The following MIEF1 variants were observed in gnomAD, a reference collection of about 807,000 sequenced individuals.
The protein encoded by MIEF1 is mitochondrial dynamics protein MIEF1.
In MIEF1, 14 loss-of-function variants were observed where a neutral mutation model predicts 35.1. The observed-to-expected ratio is 0.40, with a 90% CI of 0.26 to 0.62. The LOEUF (loss-of-function observed/expected upper bound fraction) is 0.62. MIEF1 is among the 20% of genes least tolerant of loss of function. MIEF1 has a pLI of 0.43. For missense variants in MIEF1, 542 were observed against 615.4 expected (o/e 0.88, Z 1.26); for synonymous variants, 245 against 254.3 (o/e 0.96, Z 0.35).
chr22:39,513,520 G>C lies in MIEF1; in HGVS notation c.589G>C (p.Val197Leu). The change falls in exon 6 of 6, where the codon GTG becomes CTG. Residue 197 changes from valine to leucine, a missense_variant. Physicochemically the swap from Val to Leu is conservative, Grantham distance 32. Coordinates refer to ENST00000325301, the MANE Select transcript of MIEF1 (RefSeq NM_019008.6). Reference sequence around the variant, plus strand: ...CCTTTAAATTCTGCCCTGACAGGTGGTGACAGCTGACCACATCCAACTCAT... The same window carrying C: ...CCTTTAAATTCTGCCCTGACAGGTGCTGACAGCTGACCACATCCAACTCAT... Reference protein sequence around the residue: ...SGSLYDDLQVVTADHIQLIVP... With the variant: ...SGSLYDDLQVLTADHIQLIVP... 1 of 1,613,418 alleles carries C rather than the reference G, an allele frequency of 6.2e-7. No homozygotes were observed. Among genetic ancestry groups the C allele is most frequent in the Non-Finnish European group, 8.5e-7 (1 of 1,179,428 alleles).
chr22:39,511,251 C>G (rs780588393), intron 2 of MIEF1, 37 bp from the exon 3 acceptor site: 9 of 1,611,682 alleles, frequency 5.6e-6, no homozygotes, highest in Non-Finnish European at 7.6e-6. Flanking sequence ...TTCTTGGGGT[C>G]CCAGTACTTA....
chr22:39,501,558 G>A (rs561182686), upstream of MIEF1: 1 of 152,268 alleles, frequency 6.6e-6, no homozygotes, highest in Admixed American at 6.5e-5. Context: ...TTGGGGGAGG[G>A]AGCTTCCATA....
chr22:39,511,701 C>T (rs985596102), intron 3 of MIEF1, 148 bp from the exon 4 acceptor site: 1 of 1,184,232 alleles, frequency 8.4e-7, no homozygotes, highest in Non-Finnish European at 1.2e-6. Flanking sequence ...CTGAGATTTT[C>T]TGCGTGGAGC....
Position 39,514,667 on chromosome 22 carries a change from C to A in MIEF1, c.*344C>A. On this transcript the variant is annotated 3_prime_UTR_variant, in exon 6 of 6. Transcript: ENST00000325301. Reference sequence around the variant, plus strand: ...TGCTGCCTCTATCTGGTCTGCCTTGCCCGTTTGCCTGTTCCTATTCAGTGT... The same window carrying A: ...TGCTGCCTCTATCTGGTCTGCCTTGACCGTTTGCCTGTTCCTATTCAGTGT... 2.9e-6 allele frequency: 1 copy of A among 341,688 alleles called. No homozygotes were observed. The highest frequency in any genetic ancestry group is 4.0e-5 in the South Asian group (1 of 24,926). The allele number at this position is 341,688 out of a possible 1,614,324, so 21.2% of individuals were successfully genotyped here. A position where few individuals can be genotyped will look rare whatever the true frequency, so the allele number is the denominator to read the frequency against.
chr22:39,512,521 G>A (rs748480798), intron 5 of MIEF1, 27 bp downstream of exon 5: 12 of 1,589,490 alleles, frequency 7.5e-6, no homozygotes, highest in Non-Finnish European at 1.0e-5. Flanking sequence ...CATGGTGGGT[G>A]GGGTTTGAGT....
At chr22:39,510,183 C>T (rs1004842048) in intron 2 of MIEF1, among the ~76,000 whole-genome samples, 11 of 152,148 alleles carry the variant, frequency 7.2e-5, no homozygotes, top group African/African-American at 2.7e-4. Flanking sequence ...GTCTTGAACT[C>T]CTGATCTCAG....
At position 39,513,569 on chromosome 22, in the gene MIEF1, AC is replaced by A; in HGVS notation, c.640del (p.Leu214CysfsTer12). On this transcript the variant is annotated frameshift_variant, in exon 6 of 6. Coordinates refer to ENST00000325301, the MANE Select transcript of MIEF1 (RefSeq NM_019008.6). LOFTEE classifies it high-confidence loss of function. ...QLIVPLVLEQNLWSCIPGEDT... is the reference protein window; with the variant it reads ...QLIVPLVLEQXLWSCIPGEDT... ...ATTGTGCCCCTTGTGCTGGAGCAGA[AC>A]CTGTGGTCATGTATTCCTGGTGAAG... 1 of 1,614,066 alleles carries A rather than the reference AC, an allele frequency of 6.2e-7. No individual in the cohort carries two copies.
chr22:39,500,669 C>T (rs1483874209), upstream of MIEF1, among the ~76,000 whole-genome samples: 3 of 151,378 alleles, frequency 2.0e-5, no homozygotes, highest in Admixed American at 2.0e-4. Context: ...ACTACTATGC[C>T]TCTCTCCATC....
Position 39,515,215 on chromosome 22 carries a change from T to C in MIEF1, c.*892T>C, listed in dbSNP as rs1377344428. 1 of 701,524 alleles carries C rather than the reference T, an allele frequency of 1.4e-6. No homozygotes were observed. Among genetic ancestry groups the C allele is most frequent in the South Asian group, 1.5e-5 (1 of 65,762 alleles). The allele number at this position is 701,524 out of a possible 1,614,324, so 43.5% of individuals were successfully genotyped here. On this transcript the variant is annotated 3_prime_UTR_variant, in exon 6 of 6. Coordinates refer to ENST00000325301, the MANE Select transcript of MIEF1 (RefSeq NM_019008.6). Reference sequence around the variant, plus strand: ...GCTGGTTTTCACACCTTTTCCTTATTTTATTGCCAATCAGGACAAGGCCTT... The same window carrying C: ...GCTGGTTTTCACACCTTTTCCTTATCTTATTGCCAATCAGGACAAGGCCTT...
At chr22:39,505,210 G>A (rs1471633282) in intron 2 of MIEF1, among the ~76,000 whole-genome samples, 2 of 151,960 alleles carry the variant, frequency 1.3e-5, no homozygotes, top group African/African-American at 2.4e-5. Context: ...AAAAAGAGAC[G>A]GGGTCTCGCT....
intron 2 of MIEF1, chr22:39,504,747 C>T (rs905218471): frequency 7.3e-5 from 16 of 219,494 alleles, no homozygotes; most frequent in Non-Finnish European, 1.2e-4. Context: ...CACCACTGCA[C>T]TCCAGGCTGG....
intron 5 of MIEF1, among the ~76,000 whole-genome samples, chr22:39,512,988 C>G (rs565779209): frequency 1.3e-5 from 2 of 152,260 alleles, no homozygotes; most frequent in African/African-American, 4.8e-5. Flanking sequence ...TGTTTTAGTC[C>G]TACTTACAAC....
intron 1 of MIEF1, among the ~76,000 whole-genome samples, 195 bp downstream of exon 1, chr22:39,502,632 G>A (rs1468981757): frequency 6.6e-6 from 1 of 151,792 alleles, no homozygotes; most frequent in African/African-American, 2.4e-5. Flanking sequence ...CCCCAACCTC[G>A]GAGACCTCCA....
chr22:39,505,204 A>G (rs939455722), intron 2 of MIEF1, among the ~76,000 whole-genome samples: 2 of 151,674 alleles, frequency 1.3e-5, no homozygotes, highest in African/African-American at 4.8e-5. Context: ...CAAAAAAAAA[A>G]GAGACGGGGT....
At chr22:39,506,600 A>G (rs893941796) in intron 2 of MIEF1, among the ~76,000 whole-genome samples, 6 of 152,238 alleles carry the variant, frequency 3.9e-5, no homozygotes, top group Non-Finnish European at 8.8e-5. Flanking sequence ...TACATACTCA[A>G]GCAAGATAGG....
rs1601752861 is a variant in MIEF1 at position 39,513,946 on chromosome 22, C to T, written c.1015C>T (p.Leu339=). Reference sequence around the variant, plus strand: ...AGCCCAGTATGACAACCTGTGGCGGCTGAGCCTGCGTCCCGCGGAGACGGC... The same window carrying T: ...AGCCCAGTATGACAACCTGTGGCGGTTGAGCCTGCGTCCCGCGGAGACGGC... ...RLAQYDNLWR[L]SLRPAETARL... The change falls in exon 6 of 6, where the codon CTG becomes TTG. Residue 339 remains leucine, a synonymous_variant. Coordinates refer to ENST00000325301, the MANE Select transcript of MIEF1 (RefSeq NM_019008.6). 6.2e-7 allele frequency: 1 copy of T among 1,613,444 alleles called. No homozygotes were observed.
At chr22:39,511,471 T>C (rs1247117854) in intron 3 of MIEF1, 33 bp downstream of exon 3, 1 of 1,518,878 alleles carries the variant, frequency 6.6e-7, no homozygotes, top group South Asian at 1.2e-5. Context: ...GGGGGTGGAA[T>C]GTAGTGGTAT....
At position 39,517,711 on chromosome 22, in the gene MIEF1, A is replaced by G; in HGVS notation, c.*3388A>G. 4.4e-6 allele frequency: 2 copies of G among 452,236 alleles called. No individual in the cohort carries two copies. The highest frequency in any genetic ancestry group is 3.2e-5 in the South Asian group (2 of 61,662). The allele number at this position is 452,236 out of a possible 1,614,324, so 28.0% of individuals were successfully genotyped here. ...TCAAGGCCAAGGAGAATGATAGGAG[A>G]CTTAGGACAGAGCTGACCCTTGCAC... is the stretch of plus-strand genomic sequence containing the variant. On this transcript the variant is annotated 3_prime_UTR_variant, in exon 6 of 6. Coordinates refer to ENST00000325301, the MANE Select transcript of MIEF1 (RefSeq NM_019008.6).
Position 39,514,199 on chromosome 22 carries a change from T to TCCTG in MIEF1, c.1271_1274dup (p.Ser426AlafsTer17). ...CTTATCAGCTACTTAGAGGCTGGAG[T>TCCTG]CCTGCCCAGTGCCCTAAACCCCAAG... On this transcript the variant is annotated frameshift_variant, in exon 6 of 6. Transcript: ENST00000325301. LOFTEE classifies it high-confidence loss of function. The TCCTG allele has an allele frequency of 6.2e-7, 1 of 1,614,154 alleles. No individual in the cohort carries two copies. Among genetic ancestry groups the TCCTG allele is most frequent in the Non-Finnish European group, 8.5e-7 (1 of 1,180,026 alleles).
Sources: allele counts gnomAD v4.1 joint callset (sites outside exome capture counted in the v4.1 genomes callset), GRCh38; gene constraint gnomAD v4.1.1; transcripts MANE v1.5; gene names NCBI Gene and HGNC (gene_info 2026-07-23, HGNC 2026-07-21).